The following NCOA2 variants were observed in gnomAD, a reference collection of about 807,000 sequenced individuals.
The protein encoded by NCOA2 is nuclear receptor coactivator 2.
NCOA2 carries 21 observed loss-of-function variants against 145.1 expected under a neutral mutation model. The observed-to-expected ratio is 0.14, with a 90% CI of 0.10 to 0.21. The LOEUF is 0.21. Ranked by LOEUF, NCOA2 falls within the 10% of genes least tolerant of loss-of-function variation. NCOA2 has a pLI of 1.00. For missense variants in NCOA2, 1,472 were observed against 1,837.6 expected (o/e 0.80, Z 3.64); for synonymous variants, 619 against 637.5 (o/e 0.97, Z 0.44).
intron 2 of NCOA2, among the ~76,000 whole-genome samples, chr8:70,296,250 G>T (rs1827085256): frequency 6.6e-6 from 1 of 152,174 alleles, no homozygotes; most frequent in South Asian, 2.1e-4. Context: ...CGGAGTGCTT[G>T]AGAAGCTATT....
At chr8:70,285,990 G>A (rs1305193324) in intron 2 of NCOA2, among the ~76,000 whole-genome samples, 3 of 152,160 alleles carry the variant, frequency 2.0e-5, no homozygotes, top group African/African-American at 7.2e-5. Flanking sequence ...TAAAAATGGG[G>A]TAAGTTCTCT....
chr8:70,261,527 C>T (rs893432640), intron 2 of NCOA2, among the ~76,000 whole-genome samples: 1 of 151,968 alleles, frequency 6.6e-6, no homozygotes, highest in Non-Finnish European at 1.5e-5. Context: ...ACCAGCATGG[C>T]ACATGTATAC....
Position 70,184,726 on chromosome 8 carries a change from G to A in NCOA2, c.260-9867C>T, listed in dbSNP as rs578214536. ...AGAGGGAAGGATGAAGGAAAGGAAG[G>A]GGGGCTGGTTACTTTGTGCTGTCTC... is the stretch of plus-strand genomic sequence containing the variant. On this transcript the variant is annotated intron_variant, in intron 4 of 22. Coordinates refer to ENST00000452400, the MANE Select transcript of NCOA2 (RefSeq NM_006540.4). 3.1e-4 allele frequency among the ~76,000 whole-genome samples: 47 copies of A among 152,240 alleles called. No individual in the cohort carries two copies. The South Asian group carries it at 8.1e-3, about 26-fold the overall frequency.
chr8:70,218,203 T>TTG (rs1554597750), intron 2 of NCOA2, among the ~76,000 whole-genome samples: 1 of 150,584 alleles, frequency 6.6e-6, no homozygotes, highest in African/African-American at 2.4e-5. Context: ...GAGTTAGTTT[T>TTG]TTTTTTTTTT....
At chr8:70,204,897 A>T (rs1818273062) in intron 4 of NCOA2, among the ~76,000 whole-genome samples, 1 of 152,140 alleles carries the variant, frequency 6.6e-6, no homozygotes, top group African/African-American at 2.4e-5. Flanking sequence ...AATCCCAGCT[A>T]CTCAGGAGGA....
At chr8:70,280,423 T>C (rs1326381290) in intron 2 of NCOA2, among the ~76,000 whole-genome samples, 1 of 152,220 alleles carries the variant, frequency 6.6e-6, no homozygotes, top group Non-Finnish European at 1.5e-5. Context: ...AAAATTCATC[T>C]GTTTTCTCAG....
At chr8:70,199,655 A>AATTTGGC (rs1817687465) in intron 4 of NCOA2, among the ~76,000 whole-genome samples, 1 of 152,058 alleles carries the variant, frequency 6.6e-6, no homozygotes, top group Non-Finnish European at 1.5e-5. Flanking sequence ...TTTTGTAAGA[A>AATTTGGC]ATTTGGCAAT....
intron 1 of NCOA2, among the ~76,000 whole-genome samples, chr8:70,367,275 A>C (rs1810794663): frequency 6.6e-6 from 1 of 152,238 alleles, no homozygotes; most frequent in Non-Finnish European, 1.5e-5. Flanking sequence ...GCATTTCATG[A>C]AAAGACACTG....
the NCOA2 span, among the ~76,000 whole-genome samples, chr8:70,442,434 C>G: frequency 6.6e-6 from 1 of 152,160 alleles, no homozygotes; most frequent in African/African-American, 2.4e-5. Flanking sequence ...GTTATCACTT[C>G]GGTGGAGACA....
chr8:70,187,871 T>C (rs1191759144), intron 4 of NCOA2, among the ~76,000 whole-genome samples: 1 of 152,274 alleles, frequency 6.6e-6, no homozygotes. Flanking sequence ...CATAAGCTTC[T>C]AGATGCTAAC....
intron 2 of NCOA2, among the ~76,000 whole-genome samples, chr8:70,269,567 C>T (rs1216647044): frequency 1.3e-5 from 2 of 152,228 alleles, no homozygotes; most frequent in South Asian, 2.1e-4. Flanking sequence ...CTTTCTAGTG[C>T]TTAGTATAGT....
the NCOA2 span, among the ~76,000 whole-genome samples, chr8:70,446,924 A>C: frequency 1.3e-5 from 2 of 152,218 alleles, no homozygotes; most frequent in African/African-American, 4.8e-5. Context: ...CTTGGAAGCT[A>C]AATCTGAGCC....
At chr8:70,123,807 G>C in intron 21 of NCOA2, 77 bp downstream of exon 21, 1 of 1,263,682 alleles carries the variant, frequency 7.9e-7, no homozygotes, top group Non-Finnish European at 1.1e-6. Context: ...CAGATACATG[G>C]AAAGATATAT....
chr8:70,322,029 T>C (rs111719427), intron 1 of NCOA2, among the ~76,000 whole-genome samples: 4,894 of 151,834 alleles, frequency 0.032, 257 homozygotes, highest in African/African-American at 0.11. Flanking sequence ...GGCAGGAGAA[T>C]TGCTTGAACC....
At chr8:70,159,724 A>T in intron 9 of NCOA2, 72 bp from the exon 10 acceptor site, 1 of 1,343,948 alleles carries the variant, frequency 7.4e-7, no homozygotes, top group Non-Finnish European at 1.0e-6. Context: ...ACAAGACATA[A>T]TAAGAGTAAT....
chr8:70,313,727 C>T (rs1312007896), intron 1 of NCOA2, among the ~76,000 whole-genome samples: 1 of 152,096 alleles, frequency 6.6e-6, no homozygotes, highest in African/African-American at 2.4e-5. Flanking sequence ...TCAGTGTTGG[C>T]TAAAAGATTT....
rs780422460 is a variant in NCOA2, at chr8:70,157,127, G to A, written c.1238C>T (p.Pro413Leu). 1.7e-5 allele frequency: 28 copies of A among 1,613,768 alleles called. No individual in the cohort carries two copies. The highest frequency in any genetic ancestry group is 2.2e-5 in the Non-Finnish European group (26 of 1,179,818). Residue 413 changes from proline to leucine, a missense_variant, in exon 11 of 23, where the codon CCA (proline) becomes CTA (leucine). Physicochemically the swap from Pro to Leu is moderately conservative, Grantham distance 98. Transcript: ENST00000452400. ...PAHQALCSGN[P>L]GQDMTLSSNI... is the part of the protein sequence containing the mutation. ...GCTACTGAGGGTCATGTCCTGACCT[G>A]GGTTCCCACTGCACAGGGCCTGATG... is the stretch of plus-strand genomic sequence containing the variant.
chr8:70,321,667 A>G (rs1246769994), intron 1 of NCOA2, among the ~76,000 whole-genome samples: 2 of 151,990 alleles, frequency 1.3e-5, no homozygotes, highest in Admixed American at 6.6e-5. Context: ...GCAAAACAGC[A>G]TTCTTTCCTA....
In NCOA2 at chr8:70,113,279, G is replaced by T. The variant is rs778160608; in HGVS notation, c.*353C>A. The T allele has an allele frequency of 1.8e-5, 6 of 340,372 alleles. No individual in the cohort carries two copies. The highest frequency in any genetic ancestry group is 3.2e-5 in the Non-Finnish European group (6 of 185,382). 21.1% of individuals were successfully genotyped at this position (340,372 alleles called of 1,614,324 possible). On this transcript the variant is annotated 3_prime_UTR_variant, in exon 23 of 23. Transcript: ENST00000452400. ...CTGGAACCGAACAGGAACAGAACAA[G>T]AGCATGGTTCTCCTTAAATACATAC...
Sources: allele counts gnomAD v4.1 joint callset (sites outside exome capture counted in the v4.1 genomes callset), GRCh38; gene constraint gnomAD v4.1.1; transcripts MANE v1.5; gene names NCBI Gene and HGNC (gene_info 2026-07-23, HGNC 2026-07-21).